TSPAN18: variants seen among roughly 807,000 people sequenced by gnomAD.
TSPAN18 encodes the protein tetraspanin 18, also known as tetraspanin-18.
A neutral mutation model predicts 27.3 loss-of-function variants in TSPAN18; 14 were observed. That is an observed-to-expected ratio of 0.51 (90% CI 0.34 to 0.80). The LOEUF (loss-of-function observed/expected upper bound fraction) is 0.80. TSPAN18 is among the 30% of genes least tolerant of loss of function. The pLI is 0.01. For missense variants in TSPAN18, 268 were observed against 323.9 expected (o/e 0.83, Z 1.32); for synonymous variants, 143 against 136.5 (o/e 1.05, Z -0.33).
chr11:44,865,971 G>A (rs1858025612), intron 3 of TSPAN18, among the ~76,000 whole-genome samples: 2 of 152,254 alleles, frequency 1.3e-5, no homozygotes, highest in East Asian at 1.9e-4. Flanking sequence ...TGGAGTGCCA[G>A]CCTCACAAAC....
At chr11:44,862,695 C>T (rs912263424) in intron 3 of TSPAN18, among the ~76,000 whole-genome samples, 2 of 152,184 alleles carry the variant, frequency 1.3e-5, no homozygotes. Flanking sequence ...GGGTGTCTTG[C>T]CCCCAACCCC....
chr11:44,763,849 T>C (rs1417669806), intron 1 of TSPAN18, among the ~76,000 whole-genome samples: 2 of 152,156 alleles, frequency 1.3e-5, no homozygotes, highest in East Asian at 3.9e-4. Flanking sequence ...CCTTTCCAGC[T>C]GTATTAGTCC....
chr11:44,831,046 G>A (rs560844254), intron 2 of TSPAN18, among the ~76,000 whole-genome samples: 1 of 152,208 alleles, frequency 6.6e-6, no homozygotes, highest in Admixed American at 6.5e-5. Flanking sequence ...CTAGGAGGTG[G>A]AAGTTGCAGT....
At chr11:44,733,625 G>A (rs1455599487) in intron 1 of TSPAN18, among the ~76,000 whole-genome samples, 1 of 152,218 alleles carries the variant, frequency 6.6e-6, no homozygotes, top group African/African-American at 2.4e-5. Flanking sequence ...GTGAGGAGGG[G>A]AGGTTGCAGG....
intron 2 of TSPAN18, among the ~76,000 whole-genome samples, chr11:44,851,101 A>G (rs976059805): frequency 1.3e-5 from 2 of 152,008 alleles, no homozygotes; most frequent in African/African-American, 4.8e-5. Flanking sequence ...CTTTAATCCA[A>G]CCCCAGACTT....
chr11:44,891,272 G>A lies in TSPAN18; in HGVS notation c.-10-15135G>A, dbSNP rs143580452. 1.8e-4 allele frequency among the ~76,000 whole-genome samples: 27 copies of A among 152,312 alleles called. No individual in the cohort carries two copies. The East Asian group carries it at 4.6e-3, about 26-fold the overall frequency. On this transcript the variant is annotated intron_variant, in intron 3 of 9. Coordinates refer to ENST00000520358, the MANE Select transcript of TSPAN18 (RefSeq NM_130783.5). The stretch of plus-strand genomic sequence containing the variant: ...GGTCCAGAGGCCTCACGAGACTGCC[G>A]AAGGGTGGGGGTGGATGGGAGAGAT...
At chr11:44,788,690 C>G (rs11820722) in intron 2 of TSPAN18, among the ~76,000 whole-genome samples, 2,738 of 152,064 alleles carry the variant, frequency 0.018, 87 homozygotes, top group African/African-American at 0.061. Flanking sequence ...CTTGTGATCT[C>G]CCCGCCTCGG....
At chr11:44,841,034 G>A (rs1565172895) in intron 2 of TSPAN18, among the ~76,000 whole-genome samples, 1 of 152,104 alleles carries the variant, frequency 6.6e-6, no homozygotes, top group East Asian at 1.9e-4. Flanking sequence ...TCTTGCATCA[G>A]CACCCCCCAG....
intron 3 of TSPAN18, among the ~76,000 whole-genome samples, chr11:44,900,253 G>T (rs561328906): frequency 6.6e-4 from 100 of 152,330 alleles, no homozygotes; most frequent in Middle Eastern, 3.4e-3. Context: ...CTTCAGCCTG[G>T]CGGTGGGTGA....
chr11:44,796,494 G>C (rs544981701), intron 2 of TSPAN18, among the ~76,000 whole-genome samples: 1 of 152,272 alleles, frequency 6.6e-6, no homozygotes, highest in East Asian at 1.9e-4. Context: ...GACTGGTGGA[G>C]TCATCGTCCC....
At chr11:44,785,125 C>T (rs1856024513) in intron 2 of TSPAN18, among the ~76,000 whole-genome samples, 1 of 152,094 alleles carries the variant, frequency 6.6e-6, no homozygotes, top group African/African-American at 2.4e-5. Flanking sequence ...ATTGTGAATG[C>T]TTTTGTTAAA....
At chr11:44,924,652 A>T (rs940620508) in intron 8 of TSPAN18, among the ~76,000 whole-genome samples, 1 of 150,854 alleles carries the variant, frequency 6.6e-6, no homozygotes, top group Non-Finnish European at 1.5e-5. Flanking sequence ...TCCCAAAACT[A>T]TACAACTCAC....
intron 3 of TSPAN18, among the ~76,000 whole-genome samples, chr11:44,877,364 G>T (rs958548339): frequency 2.2e-4 from 33 of 152,324 alleles, no homozygotes; most frequent in African/African-American, 7.5e-4. Context: ...CAGGAAGAGT[G>T]ACCTGGAGTG....
chr11:44,811,351 AG>A (rs1228189096), intron 2 of TSPAN18, among the ~76,000 whole-genome samples: 1 of 152,140 alleles, frequency 6.6e-6, no homozygotes, highest in African/African-American at 2.4e-5. Context: ...GATAAGAGAG[AG>A]GGAGGGAAAG....
At chr11:44,732,163 C>T (rs1854677293) in intron 1 of TSPAN18, among the ~76,000 whole-genome samples, 1 of 152,236 alleles carries the variant, frequency 6.6e-6, no homozygotes, top group South Asian at 2.1e-4. Context: ...CCGGGGCAGC[C>T]TCTTCCAGCG....
chr11:44,781,344 A>G (rs1855935572), intron 2 of TSPAN18, among the ~76,000 whole-genome samples: 1 of 152,228 alleles, frequency 6.6e-6, no homozygotes, highest in Non-Finnish European at 1.5e-5. Flanking sequence ...GGCCTGGGGA[A>G]ACCATGAGGT....
At chr11:44,872,572 A>G (rs1394461267) in intron 3 of TSPAN18, among the ~76,000 whole-genome samples, 2 of 152,230 alleles carry the variant, frequency 1.3e-5, no homozygotes, top group Non-Finnish European at 2.9e-5. Flanking sequence ...AGACCCTGTG[A>G]AAGCCTAATG....
At chr11:44,799,568 G>C (rs1441502018) in intron 2 of TSPAN18, among the ~76,000 whole-genome samples, 1 of 152,194 alleles carries the variant, frequency 6.6e-6, no homozygotes, top group Non-Finnish European at 1.5e-5. Context: ...GGAGGGACTA[G>C]AAGGATGACC....
At chr11:44,833,744 T>C (rs1040058669) in intron 2 of TSPAN18, among the ~76,000 whole-genome samples, 2 of 151,902 alleles carry the variant, frequency 1.3e-5, no homozygotes, top group African/African-American at 4.8e-5. Flanking sequence ...CTGCAGCCTG[T>C]ATGTAGACAC....
Sources: allele counts gnomAD v4.1 joint callset (sites outside exome capture counted in the v4.1 genomes callset), GRCh38; gene constraint gnomAD v4.1.1; transcripts MANE v1.5; gene names NCBI Gene and HGNC (gene_info 2026-07-23, HGNC 2026-07-21).